The following VTI1A variants were observed in gnomAD, a reference collection of about 807,000 sequenced individuals.
VTI1A encodes the protein vesicle transport through interaction with t-SNAREs homolog 1A.
VTI1A carries 22 observed loss-of-function variants against 34.9 expected under a neutral mutation model. The ratio of observed to expected loss-of-function variants is 0.63; its 90% CI spans 0.45 to 0.90. The LOEUF is 0.90. Among genes scored for constraint, VTI1A ranks in the 40% least tolerant of loss-of-function variants. VTI1A has a pLI of 0.00. For missense variants in VTI1A, 268 were observed against 275.6 expected, an observed-to-expected ratio of 0.97 and a Z score of 0.20; for synonymous variants, 87 against 97.3, an observed-to-expected ratio of 0.89 and a Z score of 0.62.
chr10:112,671,389 AG>A (rs1303443909), intron 7 of VTI1A, among the ~76,000 whole-genome samples: 4 of 152,232 alleles, frequency 2.6e-5, no homozygotes, highest in African/African-American at 9.6e-5. Flanking sequence ...AATCTATAAA[AG>A]AAATGAATGT....
At chr10:112,512,713 G>A (rs938862773) in intron 3 of VTI1A, among the ~76,000 whole-genome samples, 5 of 151,916 alleles carry the variant, frequency 3.3e-5, no homozygotes, top group African/African-American at 7.2e-5. Flanking sequence ...CTTTGAATTC[G>A]TTTTGTATAT....
rs148414633 is a variant in VTI1A at position 112,710,567 on chromosome 10, A to G, written c.560+41569A>G. Among the ~76,000 whole-genome samples the G allele has an allele frequency of 1.8e-3, 279 of 152,344 alleles. 2 individuals carry two copies. Among genetic ancestry groups the G allele is most frequent in the African/African-American group, 6.6e-3 (275 of 41,586 alleles). ...ACTGCAGAATAATTATAGAAATTGC[A>G]GAATTGCACGTGGTTTATATAAAAG... On this transcript the variant is annotated intron_variant, in intron 7 of 7. Coordinates refer to ENST00000393077, the MANE Select transcript of VTI1A (RefSeq NM_145206.4).
At chr10:112,745,786 C>A (rs1158663694) in intron 7 of VTI1A, among the ~76,000 whole-genome samples, 1 of 152,178 alleles carries the variant, frequency 6.6e-6, no homozygotes, top group Non-Finnish European at 1.5e-5. Context: ...GCTAAGACCT[C>A]TTTCAGGACC....
At chr10:112,625,650 A>AAAAAAAAAAAAAAAAG (rs1431202187) in intron 5 of VTI1A, among the ~76,000 whole-genome samples, 1 of 150,916 alleles carries the variant, frequency 6.6e-6, no homozygotes, top group African/African-American at 2.4e-5. Context: ...CAAAAAAAAA[A>AAAAAAAAAAAAAAAAG]AAGGAAAACC....
chr10:112,707,242 A>G (rs1434928596), intron 7 of VTI1A, among the ~76,000 whole-genome samples: 2 of 152,020 alleles, frequency 1.3e-5, no homozygotes, highest in African/African-American at 4.8e-5. Context: ...ATCATGGCTC[A>G]TTGCAGCCTC....
intron 5 of VTI1A, among the ~76,000 whole-genome samples, chr10:112,597,968 A>G (rs566429909): frequency 6.6e-6 from 1 of 152,130 alleles, no homozygotes; most frequent in African/African-American, 2.4e-5. Context: ...AAGTGCTGGG[A>G]TTACAGGCAT....
rs185478354 is a variant in VTI1A, at chr10:112,630,996, C to G, written c.428-37222C>G. On this transcript the variant is annotated intron_variant, in intron 5 of 7. Transcript: ENST00000393077. ...AATTAGCCAGGCATGGTGGCATGCACCTGTAATCCCAGCTACCTGGGAGGC... is the reference window on the plus strand; with the variant it reads ...AATTAGCCAGGCATGGTGGCATGCAGCTGTAATCCCAGCTACCTGGGAGGC... Among the ~76,000 whole-genome samples the G allele has an allele frequency of 2.6e-5, 4 of 152,164 alleles. No individual in the cohort carries two copies. The South Asian group carries it at 6.2e-4, about 24-fold the overall frequency.
At chr10:112,699,946 C>T (rs1318638870) in intron 7 of VTI1A, among the ~76,000 whole-genome samples, 3 of 151,848 alleles carry the variant, frequency 2.0e-5, no homozygotes, top group African/African-American at 4.8e-5. Context: ...TGGTGAAATC[C>T]TGTCTCTATT....
rs566684771 is a variant in VTI1A, at chr10:112,474,117, A to T, written c.264+9460A>T. On this transcript the variant is annotated intron_variant, in intron 3 of 7. Transcript: ENST00000393077. Reference sequence around the variant, plus strand: ...CGCTCTGTCGCCTAGGGTGGAGTGCAGTGGTGTGATCTCAGCTCACTGCAA... The same window carrying T: ...CGCTCTGTCGCCTAGGGTGGAGTGCTGTGGTGTGATCTCAGCTCACTGCAA... Among the ~76,000 whole-genome samples the T allele has an allele frequency of 4.0e-5, 6 of 151,866 alleles. No homozygotes were observed. In the East Asian group the frequency reaches 9.7e-4, roughly 25 times the overall value.
intron 7 of VTI1A, among the ~76,000 whole-genome samples, chr10:112,811,907 G>A (rs1019444059): frequency 1.3e-5 from 2 of 152,164 alleles, no homozygotes; most frequent in Non-Finnish European, 2.9e-5. Flanking sequence ...TTTCCAGGCT[G>A]GGAGGAGACT....
At chr10:112,622,412 ATTTTT>A (rs1845767772) in intron 5 of VTI1A, among the ~76,000 whole-genome samples, 4 of 151,392 alleles carry the variant, frequency 2.6e-5, no homozygotes, top group African/African-American at 9.7e-5. Flanking sequence ...CAAGAGTGCT[ATTTTT>A]ATGTATAAAA....
intron 5 of VTI1A, among the ~76,000 whole-genome samples, chr10:112,581,445 C>T (rs1336795567): frequency 6.6e-6 from 1 of 152,184 alleles, no homozygotes; most frequent in Non-Finnish European, 1.5e-5. Flanking sequence ...ATAAAAATCA[C>T]CTTGTGTAAG....
chr10:112,782,073 C>T (rs79651399), intron 7 of VTI1A, among the ~76,000 whole-genome samples: 2,668 of 152,292 alleles, frequency 0.018, 91 homozygotes, highest in African/African-American at 0.06. Flanking sequence ...TCCTTTGTAG[C>T]GATTACCACA....
At position 112,740,866 on chromosome 10, in the gene VTI1A, T is replaced by TTA. The variant is rs572941928; in HGVS notation, c.560+71871_560+71872dup. On this transcript the variant is annotated intron_variant, in intron 7 of 7. Transcript: ENST00000393077. ...TGAAAACCTATGTCCACACAAAAAC[T>TTA]TATACATGAATATTTATAACAGCAT... 3.2e-3 allele frequency among the ~76,000 whole-genome samples: 495 copies of TTA among 152,316 alleles called. 1 individual carries two copies. The highest frequency in any genetic ancestry group is 5.9e-3 in the Admixed American group (90 of 15,306).
intron 7 of VTI1A, among the ~76,000 whole-genome samples, chr10:112,729,564 A>G (rs1026513875): frequency 1.3e-5 from 2 of 152,132 alleles, no homozygotes; most frequent in Admixed American, 1.3e-4. Context: ...GTAGAATCTT[A>G]GGAAGACTTT....
chr10:112,632,685 C>T (rs946643537), intron 5 of VTI1A, among the ~76,000 whole-genome samples: 13 of 152,116 alleles, frequency 8.5e-5, no homozygotes, highest in Admixed American at 2.0e-4. Context: ...GTCATATAGT[C>T]CTACCTAACC....
rs1206853321 is a variant in VTI1A, at chr10:112,669,978, T to C, written c.560+980T>C. 3.3e-5 allele frequency among the ~76,000 whole-genome samples: 5 copies of C among 152,158 alleles called. No homozygotes were observed. The East Asian group carries it at 7.7e-4, about 23-fold the overall frequency. ...TAGCAAGCCTAAAGTTCCTGGGACA[T>C]TTCCAGCCAAGGCTAGTATAATGTG... On this transcript the variant is annotated intron_variant, in intron 7 of 7. Transcript: ENST00000393077.
At chr10:112,513,950 G>C (rs1212218051) in intron 3 of VTI1A, among the ~76,000 whole-genome samples, 1 of 151,730 alleles carries the variant, frequency 6.6e-6, no homozygotes, top group African/African-American at 2.4e-5. Flanking sequence ...ATTTTTATTA[G>C]AGATATTGAT....
intron 7 of VTI1A, among the ~76,000 whole-genome samples, chr10:112,723,971 T>C (rs1416707841): frequency 6.6e-6 from 1 of 152,216 alleles, no homozygotes; most frequent in Non-Finnish European, 1.5e-5. Context: ...GCTCAAAGGA[T>C]TGTAAAGCTG....
Sources: gnomAD v4.1 joint callset for allele counts (sites outside exome capture counted in the v4.1 genomes callset) on GRCh38, gnomAD v4.1.1 for gene constraint, MANE v1.5 for transcripts, NCBI Gene and HGNC (gene_info 2026-07-23, HGNC 2026-07-21) for gene names.